The following GTF3C5 variants were observed in gnomAD, a reference collection of about 807,000 sequenced individuals.
GTF3C5 encodes general transcription factor 3C polypeptide 5.
Under a neutral mutation model 61.0 loss-of-function variants are expected in GTF3C5, and 47 were observed. The observed-to-expected ratio is 0.77, with a 90% CI of 0.61 to 0.98. The LOEUF is 0.98. GTF3C5 is among the 50% of genes least tolerant of loss of function. GTF3C5 has a pLI of 0.00. For synonymous variants in GTF3C5, 295 were observed against 275.4 expected (o/e 1.07, Z -0.71); for missense variants, 659 against 703.3 (o/e 0.94, Z 0.71).
chr9:133,051,636 C>T (rs1233263822), intron 4 of GTF3C5, among the ~76,000 whole-genome samples: 1 of 152,230 alleles, frequency 6.6e-6, no homozygotes, highest in Non-Finnish European at 1.5e-5. Flanking sequence ...TCCGGCCACA[C>T]TGACCTTTGC....
chr9:133,030,982 AC>A, upstream of GTF3C5: 1 of 1,611,228 alleles, frequency 6.2e-7, no homozygotes, highest in Non-Finnish European at 8.5e-7. Context: ...TGTGGGACGG[AC>A]CCTGGCGGGC....
chr9:133,050,026 C>T (rs1169494947), intron 3 of GTF3C5, among the ~76,000 whole-genome samples: 1 of 152,158 alleles, frequency 6.6e-6, no homozygotes, highest in Non-Finnish European at 1.5e-5. Flanking sequence ...GGCTTTAACC[C>T]CTGTGTTTCA....
At chr9:133,055,394 G>A (rs1253390283) in intron 8 of GTF3C5, 4 of 1,293,712 alleles carry the variant, frequency 3.1e-6, no homozygotes, top group East Asian at 5.3e-5. Context: ...CGGGTGATGC[G>A]AGGGACTTGC....
At chr9:133,043,617 C>A in intron 2 of GTF3C5, 111 bp from the exon 3 acceptor site, 2 of 827,622 alleles carry the variant, frequency 2.4e-6, no homozygotes, top group South Asian at 1.5e-5. Context: ...CACCCTGCAG[C>A]CTCCACCACA....
chr9:133,040,012 T>C (rs1849991573), intron 1 of GTF3C5, among the ~76,000 whole-genome samples: 1 of 152,208 alleles, frequency 6.6e-6, no homozygotes, highest in Admixed American at 6.5e-5. Flanking sequence ...GAGCCCCAGT[T>C]AATCACGTTT....
At chr9:133,033,917 G>T (rs1849797341) in intron 1 of GTF3C5, among the ~76,000 whole-genome samples, 1 of 152,122 alleles carries the variant, frequency 6.6e-6, no homozygotes, top group African/African-American at 2.4e-5. Context: ...GGGGAACACT[G>T]GGCCTGATAT....
intron 1 of GTF3C5, among the ~76,000 whole-genome samples, chr9:133,041,048 C>T (rs916322745): frequency 3.3e-5 from 5 of 152,168 alleles, no homozygotes; most frequent in African/African-American, 7.2e-5. Context: ...GACAAGAGTG[C>T]GAGCCTTCTG....
chr9:133,039,645 TCCGCCTGCCTTGG>T (rs1208550664), intron 1 of GTF3C5, among the ~76,000 whole-genome samples: 4 of 152,260 alleles, frequency 2.6e-5, no homozygotes, highest in Non-Finnish European at 5.9e-5. Context: ...GCTCAAGCGA[TCCGCCTGCCTTGG>T]CTTCCCAAAG....
chr9:133,056,057 C>G lies in GTF3C5; in HGVS notation c.1213C>G (p.Gln405Glu). The G allele has an allele frequency of 6.2e-7, 1 of 1,614,116 alleles. No individual in the cohort carries two copies. ...FREGALPPYR[Q>E]MFYQLCDLNV... is the part of the protein sequence containing the mutation. ...GGAAGGGGCCTTGCCACCCTATCGGCAGATGTTCTACCAGTTATGCGACTT... is the reference window on the plus strand; with the variant it reads ...GGAAGGGGCCTTGCCACCCTATCGGGAGATGTTCTACCAGTTATGCGACTT... Residue 405 changes from glutamine to glutamate, a missense_variant, in exon 9 of 11, where the codon CAG becomes GAG. Coordinates refer to ENST00000372097, the MANE Select transcript of GTF3C5 (RefSeq NM_012087.4).
chr9:133,033,016 A>G (rs962101276), intron 1 of GTF3C5, among the ~76,000 whole-genome samples: 10 of 152,200 alleles, frequency 6.6e-5, no homozygotes, highest in African/African-American at 2.4e-4. Flanking sequence ...TTCCCAAGCC[A>G]TTTGACTGGT....
In GTF3C5 at chr9:133,057,840, G is replaced by A. The variant is rs1234642707; in HGVS notation, c.1420G>A (p.Asp474Asn). The change falls in exon 11 of 11, where the codon GAT becomes AAT. Residue 474 changes from aspartate (D) to asparagine (N), a missense_variant. By Grantham distance (23) the Asp-to-Asn change is conservative (BLOSUM62 1). Transcript: ENST00000372097. The stretch of plus-strand genomic sequence containing the variant: ...TCTCTTTTCCAGCTCAGCCAAGGCT[G>A]ATGGCGGAAAAGAGCAGCTGACGTA... ...PALFSSSAKA[D>N]GGKEQLTYES... The A allele has an allele frequency of 1.2e-6, 2 of 1,612,234 alleles. No homozygotes were observed. The highest frequency in any genetic ancestry group is 1.7e-6 in the Non-Finnish European group (2 of 1,179,194).
chr9:133,048,699 T>G (rs1850280945), intron 3 of GTF3C5, among the ~76,000 whole-genome samples: 1 of 152,148 alleles, frequency 6.6e-6, no homozygotes, highest in Non-Finnish European at 1.5e-5. Context: ...TTGTCAGCAC[T>G]GCCGCCCCTG....
At chr9:133,037,036 T>A (rs563444464) in intron 1 of GTF3C5, among the ~76,000 whole-genome samples, 16 of 152,000 alleles carry the variant, frequency 1.1e-4, no homozygotes, top group East Asian at 7.7e-4. Context: ...TGTTTTGGGG[T>A]AGAAATTTGT....
At chr9:133,049,194 GCCA>G (rs1237427981) in intron 3 of GTF3C5, among the ~76,000 whole-genome samples, 3 of 152,208 alleles carry the variant, frequency 2.0e-5, no homozygotes, top group Non-Finnish European at 4.4e-5. Context: ...ACAGCCTGAG[GCCA>G]CCATGGGGAG....
rs371899002 is a variant in GTF3C5, at chr9:133,031,024, G to A, written c.13G>A (p.Ala5Thr). The change falls in exon 1 of 11, where the codon GCG becomes ACG. Residue 5 changes from alanine to threonine, a missense_variant. Physicochemically the swap from Ala to Thr is moderately conservative, Grantham distance 58. Coordinates refer to ENST00000372097, the MANE Select transcript of GTF3C5 (RefSeq NM_012087.4). The stretch of plus-strand genomic sequence containing the variant: ...CAGACGCACAGGGATGGCGGCGGAG[G>A]CGGCCGATTTGGGGCTGGGGGCCGC... Reference protein sequence around the residue: MAAEAADLGLGAAVP... With the variant: MAAETADLGLGAAVP... The A allele has an allele frequency of 9.6e-5, 155 of 1,612,202 alleles. No homozygotes were observed. The highest frequency in any genetic ancestry group is 1.2e-4 in the Non-Finnish European group (144 of 1,179,184).
chr9:133,041,655 G>T (rs2118991767), intron 1 of GTF3C5, among the ~76,000 whole-genome samples: 1 of 152,330 alleles, frequency 6.6e-6, no homozygotes, highest in African/African-American at 2.4e-5. Context: ...TTTGGTGGTA[G>T]TGGTCCCCCG....
rs2299614 is a variant in GTF3C5 at position 133,040,552 on chromosome 9, G to A, written c.154-1535G>A. ...GCTATTCTTGGGGTTTTTAAGGAGA[G>A]GGACCAAAAAGAGTGTTGGTATTCA... On this transcript the variant is annotated intron_variant, in intron 1 of 10. Transcript: ENST00000372097. Among the ~76,000 whole-genome samples the A allele has an allele frequency of 4.4e-4, 67 of 152,312 alleles. No homozygotes were observed. In the East Asian group the frequency reaches 0.013, roughly 28 times the overall value.
chr9:133,036,430 C>T (rs1192545348), intron 1 of GTF3C5, among the ~76,000 whole-genome samples: 3 of 152,084 alleles, frequency 2.0e-5, no homozygotes, highest in Admixed American at 2.0e-4. Context: ...TTAACAAAGC[C>T]GTAGCCGCAA....
intron 3 of GTF3C5, among the ~76,000 whole-genome samples, chr9:133,046,677 T>G (rs1850217675): frequency 6.6e-6 from 1 of 151,936 alleles, no homozygotes; most frequent in Non-Finnish European, 1.5e-5. Context: ...AGACGGAGCA[T>G]GAGTACATGG....
Sources: allele counts gnomAD v4.1 joint callset (sites outside exome capture counted in the v4.1 genomes callset), GRCh38; gene constraint gnomAD v4.1.1; transcripts MANE v1.5; gene names NCBI Gene and HGNC (gene_info 2026-07-23, HGNC 2026-07-21).